The following NT5C2 variants were observed in gnomAD, a reference collection of about 807,000 sequenced individuals.
The protein encoded by NT5C2 is cytosolic purine 5'-nucleotidase.
Under a neutral mutation model 76.1 loss-of-function variants are expected in NT5C2, and 58 were observed. That is an observed-to-expected ratio of 0.76 (90% CI 0.62 to 0.95). The LOEUF is 0.95. NT5C2 is among the 40% of genes least tolerant of loss of function. The pLI, the probability that NT5C2 is intolerant of heterozygous loss-of-function variation, is 0.00. For missense variants in NT5C2, 478 were observed against 690.3 expected (o/e 0.69, Z 3.45); for synonymous variants, 229 against 237.4 (o/e 0.96, Z 0.32).
At chr10:103,102,318 A>G (rs549908847) in intron 6 of NT5C2, among the ~76,000 whole-genome samples, 1 of 152,294 alleles carries the variant, frequency 6.6e-6, no homozygotes, top group South Asian at 2.1e-4. Flanking sequence ...TACTATGTGC[A>G]TGACAGTGAG....
intron 3 of NT5C2, among the ~76,000 whole-genome samples, chr10:103,149,275 C>T (rs1241075301): frequency 6.6e-6 from 1 of 152,174 alleles, no homozygotes; most frequent in Non-Finnish European, 1.5e-5. Context: ...ATCTTAAAAA[C>T]TATAAAATAA....
chr10:103,121,681 T>C (rs1017851369), intron 4 of NT5C2, among the ~76,000 whole-genome samples: 3 of 152,212 alleles, frequency 2.0e-5, no homozygotes, highest in African/African-American at 7.2e-5. Flanking sequence ...TCCCCGGTAC[T>C]CTTAACAGCT....
chr10:103,120,955 T>A (rs959897359), intron 4 of NT5C2, among the ~76,000 whole-genome samples: 2 of 152,226 alleles, frequency 1.3e-5, no homozygotes, highest in African/African-American at 4.8e-5. Context: ...AGAATATTAT[T>A]CAGTCTCAAA....
At chr10:103,160,548 C>CCACAA in intron 3 of NT5C2, among the ~76,000 whole-genome samples, 1 of 152,088 alleles carries the variant, frequency 6.6e-6, no homozygotes, top group East Asian at 1.9e-4. Flanking sequence ...TTTTACAACT[C>CCACAA]CACAATATAA....
chr10:103,106,456 CA>C, intron 5 of NT5C2, 132 bp downstream of exon 5: 1 of 658,202 alleles, frequency 1.5e-6, no homozygotes. Context: ...ATCAACCAAC[CA>C]AAAAAACAAC....
At chr10:103,171,511 T>C (rs2087992769) in intron 3 of NT5C2, among the ~76,000 whole-genome samples, 1 of 152,184 alleles carries the variant, frequency 6.6e-6, no homozygotes, top group African/African-American at 2.4e-5. Flanking sequence ...GTAGTTCCCA[T>C]GCAACTTTTT....
At chr10:103,116,969 T>G (rs2074504865) in intron 4 of NT5C2, among the ~76,000 whole-genome samples, 1 of 152,186 alleles carries the variant, frequency 6.6e-6, no homozygotes, top group East Asian at 1.9e-4. Flanking sequence ...AAGATAGTAC[T>G]GGTATTATTA....
rs563374809 is a variant in NT5C2 at position 103,137,963 on chromosome 10, A to G, written c.175+1443T>C. On this transcript the variant is annotated intron_variant, in intron 4 of 18. Transcript: ENST00000404739. ...TTGGTTAGTTGGTTTCAGAAGCTAT[A>G]TAATTTATTTAATAAAAAAGGATGT... is the stretch of plus-strand genomic sequence containing the variant. Among the ~76,000 whole-genome samples the G allele has an allele frequency of 7.0e-4, 106 of 152,318 alleles. 1 individual carries two copies. The highest frequency in any genetic ancestry group is 3.3e-3 in the Admixed American group (50 of 15,294).
chr10:103,106,844 C>T (rs2071410764), intron 4 of NT5C2, 138 bp from the exon 5 acceptor site: 2 of 672,312 alleles, frequency 3.0e-6, no homozygotes, highest in Non-Finnish European at 5.4e-6. Context: ...CCTCAAACTC[C>T]ATGTTCTGTA....
intron 3 of NT5C2, among the ~76,000 whole-genome samples, chr10:103,155,588 G>A (rs1162467190): frequency 1.3e-5 from 2 of 152,112 alleles, no homozygotes; most frequent in African/African-American, 2.4e-5. Context: ...ATCATGATGT[G>A]TGAATAAAAA....
chr10:103,097,163 A>T, intron 11 of NT5C2, 128 bp downstream of exon 11: 1 of 684,750 alleles, frequency 1.5e-6, no homozygotes. Flanking sequence ...TTGCCTTTTT[A>T]CTCTTTGAAA....
chr10:103,168,307 A>G (rs1407802933), intron 3 of NT5C2, among the ~76,000 whole-genome samples: 1 of 152,248 alleles, frequency 6.6e-6, no homozygotes, highest in Non-Finnish European at 1.5e-5. Flanking sequence ...TTCACAAAGA[A>G]AAAGCCAATT....
At chr10:103,178,849 A>AG (rs201785228) in intron 2 of NT5C2, among the ~76,000 whole-genome samples, 3,237 of 150,412 alleles carry the variant, frequency 0.022, 76 homozygotes, top group South Asian at 0.11. Flanking sequence ...AAAAAAAAAA[A>AG]GACAAGCAAG....
At chr10:103,124,076 CTT>C (rs151016517) in intron 4 of NT5C2, among the ~76,000 whole-genome samples, 2,192 of 152,268 alleles carry the variant, frequency 0.014, 55 homozygotes, top group African/African-American at 0.049. Context: ...TTTGTGTTAA[CTT>C]CATGAAATTT....
At chr10:103,137,658 A>T (rs1468490780) in intron 4 of NT5C2, among the ~76,000 whole-genome samples, 1 of 152,170 alleles carries the variant, frequency 6.6e-6, no homozygotes, top group East Asian at 1.9e-4. Context: ...ATTTTTTAAC[A>T]GACAATTTCT....
chr10:103,147,722 AG>A (rs1304239722), intron 3 of NT5C2, among the ~76,000 whole-genome samples: 8 of 152,194 alleles, frequency 5.3e-5, no homozygotes, highest in Middle Eastern at 3.2e-3. Flanking sequence ...CACCTAACAT[AG>A]GGCCTTGTAA....
intron 3 of NT5C2, among the ~76,000 whole-genome samples, chr10:103,140,934 G>C (rs1175897118): frequency 6.6e-6 from 1 of 152,128 alleles, no homozygotes; most frequent in Non-Finnish European, 1.5e-5. Flanking sequence ...TCCCTTAACA[G>C]ATACATGGTT....
At chr10:103,130,515 A>C (rs974888590) in intron 4 of NT5C2, among the ~76,000 whole-genome samples, 2 of 146,206 alleles carry the variant, frequency 1.4e-5, no homozygotes, top group Non-Finnish European at 3.0e-5. Context: ...GACCCTGCCA[A>C]ATCCCCCTCT....
intron 1 of NT5C2, among the ~76,000 whole-genome samples, chr10:103,192,948 A>G (rs934782703): frequency 1.3e-5 from 2 of 151,972 alleles, no homozygotes; most frequent in African/African-American, 4.8e-5. Context: ...CTGGGAAACA[A>G]TGGCGCGAGC....
Sources: gnomAD v4.1 joint callset for allele counts (sites outside exome capture counted in the v4.1 genomes callset) on GRCh38, gnomAD v4.1.1 for gene constraint, MANE v1.5 for transcripts, NCBI Gene and HGNC (gene_info 2026-07-23, HGNC 2026-07-21) for gene names.